Variants in CEP63 observed in about 807,000 individuals in gnomAD.
The protein encoded by CEP63 is centrosomal protein 63.
Under a neutral mutation model 89.1 loss-of-function variants are expected in CEP63, and 84 were observed. The observed-to-expected ratio is 0.94, with a 90% confidence interval of 0.79 to 1.13. The LOEUF (loss-of-function observed/expected upper bound fraction) is 1.13. Ranked by LOEUF, CEP63 falls within the 50% of genes most tolerant of loss-of-function variation. The probability of loss-of-function intolerance (pLI) is 0.00; values close to 1 mark genes in which losing one functional copy is unlikely to be tolerated. For synonymous variants in CEP63, 267 were observed against 272.5 expected, an observed-to-expected ratio of 0.98 and a Z score of 0.20; for missense variants, 838 against 813.3, an observed-to-expected ratio of 1.03 and a Z score of -0.37.
At position 134,559,436 on chromosome 3, in the gene CEP63, A is replaced by C; in HGVS notation, c.1953+7A>C. The C allele has an allele frequency of 6.2e-7, 1 of 1,609,304 alleles. No individual in the cohort carries two copies. Among genetic ancestry groups the C allele is most frequent in the Non-Finnish European group, 8.5e-7 (1 of 1,175,984 alleles). ...AGAAGAGTTTATATCTTCGGTATGG[A>C]AACTTTCTGATCTTAGTAATTTGTT... On this transcript the variant is annotated splice_region_variant and intron_variant, in intron 14 of 14. Transcript: ENST00000675561.
At chr3:134,549,009 T>C in intron 9 of CEP63, 53 bp from the exon 10 acceptor site, 3 of 1,072,086 alleles carry the variant, frequency 2.8e-6, no homozygotes, top group Non-Finnish European at 4.4e-6. Flanking sequence ...TAGTCCAATT[T>C]ATAGGTTTCA....
intron 3 of CEP63, among the ~76,000 whole-genome samples, chr3:134,508,596 G>T (rs540111918): frequency 6.6e-6 from 1 of 152,262 alleles, no homozygotes; most frequent in Non-Finnish European, 1.5e-5. Flanking sequence ...AGAATTATGT[G>T]TGATTATGAT....
chr3:134,633,585 G>T, the CEP63 span, among the ~76,000 whole-genome samples: 1 of 151,938 alleles, frequency 6.6e-6, no homozygotes, highest in Admixed American at 6.5e-5. Flanking sequence ...AACAAACTAG[G>T]AATAAAAGGG....
the CEP63 span, among the ~76,000 whole-genome samples, chr3:134,705,557 C>A: frequency 1.3e-5 from 2 of 152,296 alleles, no homozygotes; most frequent in East Asian, 1.9e-4. Flanking sequence ...TTCTCCAAAC[C>A]ATAGTAGATC....
the CEP63 span, among the ~76,000 whole-genome samples, chr3:134,640,951 A>G: frequency 6.6e-6 from 1 of 152,144 alleles, no homozygotes; most frequent in South Asian, 2.1e-4. Flanking sequence ...CTCAGATTAG[A>G]AGCCTCCCAG....
At chr3:134,686,975 C>T in the CEP63 span, among the ~76,000 whole-genome samples, 2 of 152,172 alleles carry the variant, frequency 1.3e-5, no homozygotes, top group African/African-American at 4.8e-5. Context: ...GAAGGGCCTT[C>T]CCCCAGAGCA....
At chr3:134,624,364 A>G in the CEP63 span, among the ~76,000 whole-genome samples, 1 of 152,084 alleles carries the variant, frequency 6.6e-6, no homozygotes, top group South Asian at 2.1e-4. Context: ...TGATCCATGC[A>G]CTCACCATCC....
the CEP63 span, among the ~76,000 whole-genome samples, chr3:134,774,434 A>G: frequency 2.6e-5 from 4 of 152,092 alleles, no homozygotes; most frequent in Non-Finnish European, 4.4e-5. Flanking sequence ...TTCTAAGGAG[A>G]ATCCTGTAAA....
At chr3:134,629,461 T>C in the CEP63 span, 2 of 594,524 alleles carry the variant, frequency 3.4e-6, no homozygotes, top group Non-Finnish European at 6.1e-6. Context: ...GAAAAGAGTC[T>C]CCCAGGATAA....
the CEP63 span, among the ~76,000 whole-genome samples, chr3:134,646,923 G>T: frequency 3.9e-5 from 6 of 152,130 alleles, no homozygotes; most frequent in African/African-American, 1.4e-4. Context: ...GAGATCCTGG[G>T]CCTGGGGTGG....
At chr3:134,690,413 C>T in the CEP63 span, among the ~76,000 whole-genome samples, 1 of 152,202 alleles carries the variant, frequency 6.6e-6, no homozygotes, top group Admixed American at 6.5e-5. Context: ...GAGTTTGCAG[C>T]CTGGTCCTGG....
At chr3:134,553,833 T>C (rs1037747619) in intron 12 of CEP63, among the ~76,000 whole-genome samples, 4 of 152,232 alleles carry the variant, frequency 2.6e-5, no homozygotes, top group African/African-American at 9.6e-5. Context: ...AATGGTCTTA[T>C]CTTTTTACAT....
At chr3:134,712,012 C>T in the CEP63 span, among the ~76,000 whole-genome samples, 1 of 152,138 alleles carries the variant, frequency 6.6e-6, no homozygotes. Flanking sequence ...CCTCGGCCTC[C>T]CAAAGTGCTG....
At chr3:134,550,577 T>G (rs570831548) in intron 11 of CEP63, among the ~76,000 whole-genome samples, 49 of 152,146 alleles carry the variant, frequency 3.2e-4, no homozygotes, top group Non-Finnish European at 5.3e-4. Flanking sequence ...AGCTGGGTGA[T>G]GGGGAGGAAA....
the CEP63 span, among the ~76,000 whole-genome samples, chr3:134,662,740 G>C: frequency 1.3e-5 from 2 of 152,250 alleles, no homozygotes; most frequent in Non-Finnish European, 2.9e-5. Context: ...CCACTTGACA[G>C]ATAGCGTCTG....
At chr3:134,780,035 C>T in the CEP63 span, 6 of 152,176 alleles carry the variant, frequency 3.9e-5, no homozygotes, top group Non-Finnish European at 7.3e-5. Flanking sequence ...ACACTCCTAC[C>T]GGCATTTTAT....
the CEP63 span, among the ~76,000 whole-genome samples, chr3:134,769,451 ACAG>A: frequency 1.4e-4 from 21 of 152,322 alleles, no homozygotes; most frequent in East Asian, 4.1e-3. Context: ...TCTCATAATA[ACAG>A]CTGCCTAAGA....
chr3:134,581,968 C>A (rs1958366941), intron 10 of CEP63, among the ~76,000 whole-genome samples: 1 of 151,928 alleles, frequency 6.6e-6, no homozygotes, highest in Non-Finnish European at 1.5e-5. Flanking sequence ...AGCCACCGCG[C>A]CCGGCCGAAA....
downstream of CEP63, chr3:134,575,112 A>T: frequency 5.9e-6 from 2 of 339,808 alleles, no homozygotes; most frequent in Non-Finnish European, 5.2e-6. Context: ...GCTTAAGATA[A>T]CTCCTTCCTT....
Sources: gnomAD v4.1 joint callset for allele counts (sites outside exome capture counted in the v4.1 genomes callset) on GRCh38, gnomAD v4.1.1 for gene constraint, MANE v1.5 for transcripts, NCBI Gene and HGNC (gene_info 2026-07-23, HGNC 2026-07-21) for gene names.